CNTNAP5: variants seen among roughly 807,000 people sequenced by gnomAD.
CNTNAP5 encodes contactin-associated protein-like 5.
In CNTNAP5, 72 loss-of-function variants were observed where a neutral mutation model predicts 150.2. The observed-to-expected ratio is 0.48, with a 90% confidence interval of 0.40 to 0.58. CNTNAP5 has a LOEUF of 0.58. Among genes scored for constraint, CNTNAP5 ranks in the 20% least tolerant of loss-of-function variants. The probability of loss-of-function intolerance (pLI) is 0.00; values close to 1 mark genes in which losing one functional copy is unlikely to be tolerated. For missense variants in CNTNAP5, 1,636 were observed against 1,626.2 expected, an observed-to-expected ratio of 1.01 and a Z score of -0.10; for synonymous variants, 672 against 619.8, an observed-to-expected ratio of 1.08 and a Z score of -1.25.
intron 3 of CNTNAP5, among the ~76,000 whole-genome samples, chr2:124,375,257 A>T (rs547762936): frequency 6.6e-6 from 1 of 152,210 alleles, no homozygotes; most frequent in Non-Finnish European, 1.5e-5. Flanking sequence ...AAAGAAAAAA[A>T]AACAGTAAAT....
At chr2:124,554,861 G>A (rs1031646257) in intron 10 of CNTNAP5, among the ~76,000 whole-genome samples, 1 of 152,024 alleles carries the variant, frequency 6.6e-6, no homozygotes, top group African/African-American at 2.4e-5. Context: ...AACTAGAGCT[G>A]GCCAATTCAA....
At chr2:124,869,843 A>G in intron 21 of CNTNAP5, 81 bp downstream of exon 21, 1 of 852,024 alleles carries the variant, frequency 1.2e-6, no homozygotes, top group Non-Finnish European at 1.9e-6. Context: ...GTGTTTAAGG[A>G]TTCAGGTCTG....
intron 6 of CNTNAP5, among the ~76,000 whole-genome samples, chr2:124,451,307 T>A (rs1558908429): frequency 6.6e-6 from 1 of 151,626 alleles, no homozygotes; most frequent in Non-Finnish European, 1.5e-5. Flanking sequence ...TCTCTGAGAA[T>A]AAGTTTCACA....
chr2:124,366,673 T>C (rs1444985768), intron 3 of CNTNAP5, among the ~76,000 whole-genome samples: 1 of 152,172 alleles, frequency 6.6e-6, no homozygotes, highest in Non-Finnish European at 1.5e-5. Context: ...CACAGCAACA[T>C]ATTTCCAACC....
chr2:124,555,875 G>A (rs760898900), intron 10 of CNTNAP5, among the ~76,000 whole-genome samples: 2 of 152,146 alleles, frequency 1.3e-5, no homozygotes. Flanking sequence ...TTGGGAATTT[G>A]TAGAATAAAT....
At chr2:124,535,353 A>G (rs1287439331) in intron 10 of CNTNAP5, among the ~76,000 whole-genome samples, 1 of 152,076 alleles carries the variant, frequency 6.6e-6, no homozygotes, top group Non-Finnish European at 1.5e-5. Flanking sequence ...CAATTAAACC[A>G]TTTACTTTTT....
chr2:124,444,499 G>T (rs368809641), intron 5 of CNTNAP5, among the ~76,000 whole-genome samples: 3 of 152,220 alleles, frequency 2.0e-5, no homozygotes, highest in Admixed American at 6.5e-5. Flanking sequence ...AGAGGCTGAG[G>T]CAGGAGAATC....
At chr2:124,660,314 T>A (rs1285082076) in intron 13 of CNTNAP5, among the ~76,000 whole-genome samples, 2 of 152,096 alleles carry the variant, frequency 1.3e-5, no homozygotes, top group African/African-American at 4.8e-5. Flanking sequence ...ATGGAGGTGA[T>A]GCGTCATAGG....
chr2:124,089,027 T>C (rs1350775966), intron 1 of CNTNAP5, among the ~76,000 whole-genome samples: 1 of 152,204 alleles, frequency 6.6e-6, no homozygotes, highest in Non-Finnish European at 1.5e-5. Flanking sequence ...ACTTTTCATC[T>C]ACCTCATTTG....
intron 3 of CNTNAP5, among the ~76,000 whole-genome samples, chr2:124,386,783 A>G (rs1247720395): frequency 6.6e-6 from 1 of 151,970 alleles, no homozygotes; most frequent in African/African-American, 2.4e-5. Context: ...CTCCCCAAAA[A>G]TTGCCACTCC....
At chr2:124,880,116 T>C (rs528665322) in intron 21 of CNTNAP5, among the ~76,000 whole-genome samples, 15 of 152,244 alleles carry the variant, frequency 9.9e-5, no homozygotes, top group African/African-American at 3.4e-4. Flanking sequence ...ATGCCATTAA[T>C]GATAATAAAT....
At chr2:124,710,234 T>C (rs1388882853) in intron 13 of CNTNAP5, among the ~76,000 whole-genome samples, 1 of 152,132 alleles carries the variant, frequency 6.6e-6, no homozygotes, top group Non-Finnish European at 1.5e-5. Flanking sequence ...CCCAAGAAAC[T>C]CTTTATAATA....
chr2:124,482,053 T>A (rs1573403497), intron 7 of CNTNAP5, among the ~76,000 whole-genome samples: 1 of 152,220 alleles, frequency 6.6e-6, no homozygotes, highest in Non-Finnish European at 1.5e-5. Context: ...AAAAACGGGC[T>A]ATGTAAAAGT....
intron 1 of CNTNAP5, among the ~76,000 whole-genome samples, chr2:124,139,083 C>T (rs1684043440): frequency 6.6e-6 from 1 of 152,080 alleles, no homozygotes; most frequent in Admixed American, 6.5e-5. Flanking sequence ...GGAAATGAAC[C>T]TGTGGGAATT....
chr2:124,588,146 C>CTTT (rs1491551791), intron 11 of CNTNAP5, among the ~76,000 whole-genome samples: 35 of 138,892 alleles, frequency 2.5e-4, no homozygotes, highest in African/African-American at 9.2e-4. Flanking sequence ...TTCCTTCCTT[C>CTTT]CTTCCTTCCT....
At chr2:124,572,083 G>C (rs1449983251) in intron 11 of CNTNAP5, among the ~76,000 whole-genome samples, 1 of 152,172 alleles carries the variant, frequency 6.6e-6, no homozygotes, top group Admixed American at 6.5e-5. Flanking sequence ...CAGGATCTAG[G>C]TGATTCAAAA....
intron 1 of CNTNAP5, among the ~76,000 whole-genome samples, chr2:124,046,164 A>C (rs1220124171): frequency 6.6e-6 from 1 of 152,078 alleles, no homozygotes; most frequent in Non-Finnish European, 1.5e-5. Context: ...CACCTGACGG[A>C]GTGAGTGTGA....
chr2:124,040,794 A>G (rs73954363), intron 1 of CNTNAP5, among the ~76,000 whole-genome samples: 1,580 of 152,218 alleles, frequency 0.01, 32 homozygotes, highest in African/African-American at 0.036. Flanking sequence ...CTGTTGCATT[A>G]ATTTTGCGTA....
At chr2:124,559,008 T>A (rs1335869553) in intron 10 of CNTNAP5, among the ~76,000 whole-genome samples, 1 of 152,250 alleles carries the variant, frequency 6.6e-6, no homozygotes, top group Non-Finnish European at 1.5e-5. Context: ...GCTGTGCATT[T>A]GCCTTTAAAA....
Sources: allele counts gnomAD v4.1 joint callset (sites outside exome capture counted in the v4.1 genomes callset), GRCh38; gene constraint gnomAD v4.1.1; transcripts MANE v1.5; gene names NCBI Gene and HGNC (gene_info 2026-07-23, HGNC 2026-07-21).